Variants in COBLL1 observed in about 807,000 individuals in gnomAD.
COBLL1 encodes the protein cordon-bleu WH2 repeat protein like 1.
Under a neutral mutation model 94.8 loss-of-function variants are expected in COBLL1, and 50 were observed. That is an observed-to-expected ratio of 0.53 (90% CI 0.42 to 0.67). COBLL1 has a LOEUF of 0.67. Ranked by LOEUF, COBLL1 falls within the 30% of genes least tolerant of loss-of-function variation. The pLI, the probability that COBLL1 is intolerant of heterozygous loss-of-function variation, is 0.00. For synonymous variants in COBLL1, 448 were observed against 473.8 expected (o/e 0.95, Z 0.71); for missense variants, 1,362 against 1,348.7 (o/e 1.01, Z -0.15).
In COBLL1 at chr2:164,743,794, T is replaced by A. The variant is rs1686719695; in HGVS notation, c.123A>T (p.Glu41Asp). Residue 41 changes from glutamate to aspartate, a missense_variant, in exon 3 of 14, where the codon GAA (glutamate) becomes GAT (aspartate). By Grantham distance (45) the Glu-to-Asp change is conservative. Coordinates refer to ENST00000652658, the MANE Select transcript of COBLL1 (RefSeq NM_001365672.2). ...TDVSSAADSV[E>D]STAFIMEQKE... is the part of the protein sequence containing the mutation. The stretch of plus-strand genomic sequence containing the variant: ...TCTGTTCCATGATGAAAGCAGTGGA[T>A]TCTACAGAATCAGCAGCTGAAGAGA... 1 of 1,613,454 alleles carries A rather than the reference T, an allele frequency of 6.2e-7. No homozygotes were observed. Among genetic ancestry groups the A allele is most frequent in the African/African-American group, 1.3e-5 (1 of 75,012 alleles).
At chr2:164,823,895 G>A (rs1215643278) in intron 2 of COBLL1, among the ~76,000 whole-genome samples, 1 of 152,032 alleles carries the variant, frequency 6.6e-6, no homozygotes, top group Admixed American at 6.6e-5. Flanking sequence ...TGATTTCATT[G>A]GAAACTGCAG....
rs1558938048 is a variant in COBLL1, at chr2:164,705,060, T to C, written c.1042A>G (p.Ser348Gly). Reference protein sequence around the residue: ...GRVRAGSLQLSSMSAGNSSLR... With the variant: ...GRVRAGSLQLGSMSAGNSSLR... The stretch of plus-strand genomic sequence containing the variant: ...GATGAATTCCCTGCAGACATGCTGC[T>C]GAGCTGCAGTGAACCTGCCCTCACT... The change falls in exon 8 of 14, where the codon AGC becomes GGC. Residue 348 changes from serine to glycine, a missense_variant. Coordinates refer to ENST00000652658, the MANE Select transcript of COBLL1 (RefSeq NM_001365672.2). 2 of 1,595,566 alleles carry C rather than the reference T, an allele frequency of 1.3e-6. No individual in the cohort carries two copies. The highest frequency in any genetic ancestry group is 2.3e-5 in the East Asian group (1 of 43,822).
At position 164,692,216 on chromosome 2, in the gene COBLL1, C is replaced by G; in HGVS notation, c.3300+5G>C. 6.3e-7 allele frequency: 1 copy of G among 1,595,662 alleles called. No homozygotes were observed. Among genetic ancestry groups the G allele is most frequent in the Non-Finnish European group, 8.5e-7 (1 of 1,172,510 alleles). On this transcript the variant is annotated splice_donor_5th_base_variant and intron_variant, in intron 13 of 13. Coordinates refer to ENST00000652658, the MANE Select transcript of COBLL1 (RefSeq NM_001365672.2). ...ACTGTCACCCATCTGATAAAGAAGA[C>G]TTACCCTTTTCAATTTGGCAGCAGC...
intron 2 of COBLL1, among the ~76,000 whole-genome samples, chr2:164,777,356 AC>A (rs1459015266): frequency 2.7e-5 from 4 of 148,924 alleles, no homozygotes; most frequent in African/African-American, 7.6e-5. Flanking sequence ...ACACACACAC[AC>A]ACATTACTGT....
intron 2 of COBLL1, among the ~76,000 whole-genome samples, chr2:164,758,064 G>A (rs1039539011): frequency 4.6e-5 from 7 of 151,952 alleles, no homozygotes; most frequent in African/African-American, 1.5e-4. Context: ...GTAAACAAAC[G>A]AGCGATTTGA....
intron 2 of COBLL1, among the ~76,000 whole-genome samples, chr2:164,833,162 G>A (rs1275548738): frequency 6.6e-6 from 1 of 151,984 alleles, no homozygotes; most frequent in Non-Finnish European, 1.5e-5. Flanking sequence ...GAGGCCAGGA[G>A]TTTGAGACCA....
At chr2:164,662,997 A>G (rs1196651675) in intron 2 of COBLL1, among the ~76,000 whole-genome samples, 1 of 152,218 alleles carries the variant, frequency 6.6e-6, no homozygotes. Flanking sequence ...TACAGTCAGT[A>G]TAATATCATG....
At chr2:164,839,362 G>A (rs542683814) in intron 2 of COBLL1, among the ~76,000 whole-genome samples, 1 of 150,062 alleles carries the variant, frequency 6.7e-6, no homozygotes, top group African/African-American at 2.5e-5. Flanking sequence ...GGAAGCCAAG[G>A]TGAGAGGATT....
At chr2:164,754,427 C>T (rs1299968058) in intron 2 of COBLL1, among the ~76,000 whole-genome samples, 1 of 152,162 alleles carries the variant, frequency 6.6e-6, no homozygotes, top group Non-Finnish European at 1.5e-5. Flanking sequence ...ATTTTAGGTA[C>T]CCTCCTGCTC....
intron 2 of COBLL1, among the ~76,000 whole-genome samples, chr2:164,769,208 A>G (rs1688081865): frequency 8.5e-5 from 13 of 152,184 alleles, no homozygotes; most frequent in Admixed American, 8.5e-4. Context: ...TAGAATTTTT[A>G]ATGTATTTAG....
chr2:164,669,435 T>C (rs915148924), intron 1 of COBLL1, among the ~76,000 whole-genome samples: 2 of 152,228 alleles, frequency 1.3e-5, no homozygotes, highest in African/African-American at 2.4e-5. Context: ...TCCAAACCAA[T>C]GCCATATGAG....
chr2:164,774,801 G>T (rs1574563762), intron 2 of COBLL1, among the ~76,000 whole-genome samples: 1 of 150,142 alleles, frequency 6.7e-6, no homozygotes, highest in East Asian at 2.0e-4. Context: ...TAATAATATT[G>T]TACTGTATAC....
chr2:164,833,024 C>A (rs549608081), intron 2 of COBLL1, among the ~76,000 whole-genome samples: 1 of 151,844 alleles, frequency 6.6e-6, no homozygotes, highest in South Asian at 2.1e-4. Flanking sequence ...GCCTGGTCAA[C>A]AAGAGTGAAA....
chr2:164,750,922 A>G (rs1687093549), intron 2 of COBLL1, among the ~76,000 whole-genome samples: 1 of 152,182 alleles, frequency 6.6e-6, no homozygotes, highest in Middle Eastern at 3.2e-3. Context: ...TCTGAGAACC[A>G]ATGAGACAAC....
chr2:164,710,765 A>G (rs534087571), intron 7 of COBLL1, among the ~76,000 whole-genome samples: 3 of 152,156 alleles, frequency 2.0e-5, no homozygotes, highest in African/African-American at 7.2e-5. Flanking sequence ...GGGTTTCACC[A>G]TCTTGGCCAG....
chr2:164,815,764 T>C (rs1684704134), intron 2 of COBLL1, among the ~76,000 whole-genome samples: 1 of 152,108 alleles, frequency 6.6e-6, no homozygotes, highest in Non-Finnish European at 1.5e-5. Context: ...CCCCAAACCA[T>C]ATTATTCATT....
chr2:164,733,016 C>T (rs1391677091), intron 3 of COBLL1, among the ~76,000 whole-genome samples: 4 of 152,218 alleles, frequency 2.6e-5, no homozygotes, highest in Non-Finnish European at 5.9e-5. Flanking sequence ...GATCACGCCA[C>T]TGCACTCCAG....
rs1196147034 is a variant in COBLL1 at position 164,685,350 on chromosome 2, C to A, written c.*596G>T. ...AAATATTAAAATACTATGAGCTTCC[C>A]ATAAAATTGACAGTGATTTGTAATT... On this transcript the variant is annotated 3_prime_UTR_variant, in exon 14 of 14. Coordinates refer to ENST00000652658, the MANE Select transcript of COBLL1 (RefSeq NM_001365672.2). 6.6e-6 allele frequency: 1 copy of A among 152,012 alleles called. No individual in the cohort carries two copies. Among genetic ancestry groups the A allele is most frequent in the East Asian group, 1.9e-4 (1 of 5,200 alleles). The allele number at this position is 152,012 out of a possible 1,614,324, so 9.4% of individuals were successfully genotyped here.
Position 164,699,451 on chromosome 2 carries a change from A to G in COBLL1, c.1509T>C (p.Val503=). 6.2e-7 allele frequency: 1 copy of G among 1,612,654 alleles called. No individual in the cohort carries two copies. Among genetic ancestry groups the G allele is most frequent in the Non-Finnish European group, 8.5e-7 (1 of 1,178,802 alleles). ...ACGACTTCAAGTTTCTTATACTGTC[A>G]ACTACCTTCTTTCCATTGCTTGTAT... ...VYDTSNGKKV[V]DSIRNLKSLG... Residue 503 remains valine (V), a synonymous_variant, in exon 11 of 14, where the codon GTT becomes GTC. Transcript: ENST00000652658.
Sources: allele counts gnomAD v4.1 joint callset (sites outside exome capture counted in the v4.1 genomes callset), GRCh38; gene constraint gnomAD v4.1.1; transcripts MANE v1.5; gene names NCBI Gene and HGNC (gene_info 2026-07-23, HGNC 2026-07-21).